The following ATRNL1 variants were observed in gnomAD, a reference collection of about 807,000 sequenced individuals.
ATRNL1 encodes the protein attractin like 1.
A neutral mutation model predicts 182.7 loss-of-function variants in ATRNL1; 95 were observed. The ratio of observed to expected loss-of-function variants is 0.52; its 90% CI spans 0.44 to 0.62. The LOEUF is 0.62. ATRNL1 is among the 20% of genes least tolerant of loss of function. The probability of loss-of-function intolerance (pLI) is 0.00; values close to 1 mark genes in which losing one functional copy is unlikely to be tolerated. For synonymous variants in ATRNL1, 576 were observed against 568.3 expected (o/e 1.01, Z -0.19); for missense variants, 1,471 against 1,679.5 (o/e 0.88, Z 2.17).
At chr10:115,570,240 C>T (rs1854310916) in intron 26 of ATRNL1, among the ~76,000 whole-genome samples, 1 of 152,118 alleles carries the variant, frequency 6.6e-6, no homozygotes, top group African/African-American at 2.4e-5. Context: ...GGGATTTCAG[C>T]TATGAGCCAC....
chr10:115,156,591 C>T (rs1315017145), intron 5 of ATRNL1, among the ~76,000 whole-genome samples: 1 of 152,048 alleles, frequency 6.6e-6, no homozygotes, highest in Non-Finnish European at 1.5e-5. Flanking sequence ...GACACTAATG[C>T]TTAAAGTTAC....
At chr10:115,684,920 C>T (rs1339422343) in intron 26 of ATRNL1, among the ~76,000 whole-genome samples, 3 of 151,552 alleles carry the variant, frequency 2.0e-5, no homozygotes, top group Admixed American at 2.0e-4. Context: ...TTGTGGCTGT[C>T]ATCACAGAAT....
chr10:115,210,502 A>G (rs1848979918), intron 8 of ATRNL1, among the ~76,000 whole-genome samples: 2 of 151,934 alleles, frequency 1.3e-5, no homozygotes, highest in South Asian at 4.1e-4. Context: ...GGCTCCTCAC[A>G]ACCACCAGTT....
chr10:115,422,288 A>G (rs1487445655), intron 20 of ATRNL1, among the ~76,000 whole-genome samples: 1 of 152,184 alleles, frequency 6.6e-6, no homozygotes, highest in Non-Finnish European at 1.5e-5. Flanking sequence ...TTTGCAAACT[A>G]TGCATCCCAC....
At chr10:115,598,303 C>T (rs1856382869) in intron 26 of ATRNL1, among the ~76,000 whole-genome samples, 1 of 149,886 alleles carries the variant, frequency 6.7e-6, no homozygotes, top group African/African-American at 2.5e-5. Flanking sequence ...AAATTTACTA[C>T]TTTGGAAATT....
intron 5 of ATRNL1, among the ~76,000 whole-genome samples, chr10:115,142,410 G>A (rs1294237032): frequency 6.6e-6 from 1 of 152,116 alleles, no homozygotes; most frequent in Non-Finnish European, 1.5e-5. Flanking sequence ...ATTACTGATG[G>A]GGAGATTAGT....
chr10:115,815,108 A>G (rs1247189860), intron 27 of ATRNL1, among the ~76,000 whole-genome samples: 1 of 152,148 alleles, frequency 6.6e-6, no homozygotes, highest in Non-Finnish European at 1.5e-5. Flanking sequence ...AACAAACACC[A>G]CAAAATTAAT....
In ATRNL1 at chr10:115,549,555, A is replaced by C. The variant is rs1554994932; in HGVS notation, c.3795+19A>C. On this transcript the variant is annotated intron_variant, in intron 26 of 28. Transcript: ENST00000355044. ...GAGAGAGGTATCAGTAATATTATTT[A>C]ATCTTTTGTTTAAAGATTTAAGCAA... 6.5e-7 allele frequency: 1 copy of C among 1,535,534 alleles called. No individual in the cohort carries two copies.
At chr10:115,645,556 A>G (rs556209253) in intron 26 of ATRNL1, among the ~76,000 whole-genome samples, 2 of 150,888 alleles carry the variant, frequency 1.3e-5, no homozygotes, top group African/African-American at 2.4e-5. Flanking sequence ...TTTTGAATGC[A>G]TATAAAAGCA....
chr10:115,613,743 A>G (rs540532104), intron 26 of ATRNL1, among the ~76,000 whole-genome samples: 29 of 152,040 alleles, frequency 1.9e-4, no homozygotes, highest in South Asian at 1.5e-3. Flanking sequence ...TCTTGGTTCA[A>G]TCTTGGTAAG....
intron 24 of ATRNL1, among the ~76,000 whole-genome samples, chr10:115,505,228 C>G (rs1172341355): frequency 6.6e-6 from 1 of 151,928 alleles, no homozygotes; most frequent in African/African-American, 2.4e-5. Flanking sequence ...TGGGCAGAGC[C>G]CACACTGAAT....
intron 27 of ATRNL1, among the ~76,000 whole-genome samples, chr10:115,811,712 T>A (rs1484465426): frequency 6.6e-6 from 1 of 152,072 alleles, no homozygotes; most frequent in African/African-American, 2.4e-5. Context: ...TTAATTGACT[T>A]CTTTATTATT....
intron 26 of ATRNL1, among the ~76,000 whole-genome samples, chr10:115,650,847 C>T (rs1404979733): frequency 6.6e-6 from 1 of 151,998 alleles, no homozygotes; most frequent in African/African-American, 2.4e-5. Flanking sequence ...TGTCCCAAAG[C>T]CATTTCTGTG....
chr10:115,357,193 A>G (rs1317133700), intron 19 of ATRNL1, among the ~76,000 whole-genome samples: 1 of 151,938 alleles, frequency 6.6e-6, no homozygotes, highest in African/African-American at 2.4e-5. Context: ...CTGGCTTGAA[A>G]TGACAGGCCT....
chr10:115,557,873 C>T (rs1853405695), intron 26 of ATRNL1, among the ~76,000 whole-genome samples: 1 of 151,924 alleles, frequency 6.6e-6, no homozygotes, highest in African/African-American at 2.4e-5. Context: ...GGTGAAACCC[C>T]ATCTCTGCTA....
chr10:115,751,744 A>G (rs1250396778), intron 27 of ATRNL1, among the ~76,000 whole-genome samples: 10 of 152,100 alleles, frequency 6.6e-5, no homozygotes, highest in Admixed American at 2.0e-4. Flanking sequence ...ATCTCAGGCA[A>G]TATTGCTAAG....
At chr10:115,484,810 T>G (rs1848940823) in intron 24 of ATRNL1, among the ~76,000 whole-genome samples, 1 of 151,962 alleles carries the variant, frequency 6.6e-6, no homozygotes, top group Non-Finnish European at 1.5e-5. Flanking sequence ...TATGTTTGTT[T>G]TAGTGCTTTA....
chr10:115,318,657 A>G (rs1378377803), intron 18 of ATRNL1, among the ~76,000 whole-genome samples: 1 of 152,000 alleles, frequency 6.6e-6, no homozygotes, highest in Non-Finnish European at 1.5e-5. Flanking sequence ...CATTTCTTCT[A>G]GGTTTTCTAG....
chr10:115,200,267 T>C (rs1201106865), intron 8 of ATRNL1, among the ~76,000 whole-genome samples: 1 of 151,042 alleles, frequency 6.6e-6, no homozygotes, highest in Non-Finnish European at 1.5e-5. Flanking sequence ...AGGGTACATG[T>C]GCACAATGTG....
Sources: allele counts gnomAD v4.1 joint callset (sites outside exome capture counted in the v4.1 genomes callset), GRCh38; gene constraint gnomAD v4.1.1; transcripts MANE v1.5; gene names NCBI Gene and HGNC (gene_info 2026-07-23, HGNC 2026-07-21).